The following COL4A5 variants were observed in gnomAD, a reference collection of about 807,000 sequenced individuals.
The protein encoded by COL4A5 is collagen type IV alpha 5 chain, also known as collagen alpha-5(IV) chain.
In COL4A5, 26 loss-of-function variants were observed where a neutral mutation model predicts 130.2. That is an observed-to-expected ratio of 0.20 (90% confidence interval 0.15 to 0.28). COL4A5 has a LOEUF of 0.28. Ranked by LOEUF, COL4A5 falls within the 10% of genes least tolerant of loss-of-function variation. The pLI, the probability that COL4A5 is intolerant of heterozygous loss-of-function variation, is 1.00. For synonymous variants in COL4A5, 496 were observed against 439.6 expected (o/e 1.13, Z -1.60); for missense variants, 1,131 against 1,344.3 (o/e 0.84, Z 2.48).
chrX:108,615,122 A>C (rs143647223), intron 30 of COL4A5, 98 bp downstream of exon 30: 51 of 604,778 alleles, frequency 8.4e-5, no homozygotes, highest in South Asian at 4.3e-4. Flanking sequence ...TTCCAGAAGC[A>C]GACTTAAAAG....
intron 21 of COL4A5, among the ~76,000 whole-genome samples, chrX:108,595,059 C>T (rs749918875): frequency 9.1e-6 from 1 of 110,304 alleles, no homozygotes; most frequent in South Asian, 4.0e-4. Context: ...GATGGGGTTT[C>T]GCCATGTTGG....
At chrX:108,648,338 G>A (rs2067652450) in intron 36 of COL4A5, among the ~76,000 whole-genome samples, 1 of 111,082 alleles carries the variant, frequency 9.0e-6, no homozygotes, top group Non-Finnish European at 1.9e-5. Flanking sequence ...AAGAAGAATT[G>A]GCACCAGTAC....
At chrX:108,601,565 C>T in intron 26 of COL4A5, 80 bp downstream of exon 26, 1 of 688,019 alleles carries the variant, frequency 1.5e-6, no homozygotes, top group South Asian at 2.4e-5. Context: ...TTCGCTCTGT[C>T]ACCCATGCTG....
At chrX:108,524,752 T>C (rs2065296976) in intron 1 of COL4A5, among the ~76,000 whole-genome samples, 1 of 111,826 alleles carries the variant, frequency 8.9e-6, no homozygotes, top group Non-Finnish European at 1.9e-5. Context: ...CTTTGACCTA[T>C]AGGTTAATTA....
chrX:108,531,860 A>G (rs2065390073), intron 1 of COL4A5, among the ~76,000 whole-genome samples: 1 of 112,068 alleles, frequency 8.9e-6, no homozygotes, highest in Non-Finnish European at 1.9e-5. Flanking sequence ...ATTCCTGGAA[A>G]CATACTACTT....
rs756161296 is a variant in COL4A5 at position 108,621,806 on chromosome X, C to T, written c.2681C>T (p.Thr894Ile). The change falls in exon 32 of 53, where the codon ACC becomes ATC. Residue 894 changes from threonine to isoleucine, a missense_variant. Thr to Ile is a moderately conservative substitution (Grantham distance 89, BLOSUM62 -1). Coordinates refer to ENST00000328300, the MANE Select transcript of COL4A5 (RefSeq NM_033380.3). ...TACTTATTGATATTCTTCAAAGGTA[C>T]CAAAGGTGAAATGGGTATGATGGGA... is the stretch of plus-strand genomic sequence containing the variant. ...GKAGASGFPG[T>I]KGEMGMMGPP... 5 of 1,199,212 alleles carry T rather than the reference C, an allele frequency of 4.2e-6. No homozygotes were observed. In the African/African-American group the frequency reaches 5.3e-5, roughly 13 times the overall value.
intron 21 of COL4A5, 74 bp from the exon 22 acceptor site, chrX:108,595,435 A>G: frequency 4.2e-6 from 4 of 950,323 alleles, no homozygotes; most frequent in Non-Finnish European, 6.1e-6. Context: ...TAGTGCTAAC[A>G]TTTTTAGAAC....
At chrX:108,620,512 T>G (rs1490848117) in intron 31 of COL4A5, 86 bp downstream of exon 31, 8 of 814,634 alleles carry the variant, frequency 9.8e-6, no homozygotes, top group Non-Finnish European at 1.4e-5. Flanking sequence ...GTTACACTTT[T>G]CTAGATTGAC....
intron 1 of COL4A5, among the ~76,000 whole-genome samples, chrX:108,498,987 A>G: frequency 9.0e-6 from 1 of 111,055 alleles, no homozygotes; most frequent in East Asian, 2.8e-4. Flanking sequence ...ATTATTTTGC[A>G]TTTTTCCTTA....
At chrX:108,566,420 A>G (rs1020089255) in intron 4 of COL4A5, among the ~76,000 whole-genome samples, 29 of 110,912 alleles carry the variant, frequency 2.6e-4, no homozygotes, top group African/African-American at 9.2e-4. Flanking sequence ...TTGACACAAC[A>G]AGCTCTTTCA....
intron 38 of COL4A5, among the ~76,000 whole-genome samples, chrX:108,666,131 C>T (rs2068073138): frequency 9.1e-6 from 1 of 110,317 alleles, no homozygotes; most frequent in Non-Finnish European, 1.9e-5. Context: ...ATTCAAGTGT[C>T]CTAGAATAGA....
At chrX:108,621,945 G>A (rs1277777039) in intron 32 of COL4A5, 53 bp downstream of exon 32, 1 of 868,476 alleles carries the variant, frequency 1.2e-6, no homozygotes. Flanking sequence ...ATTAAATATA[G>A]CTTTATGTCA....
At position 108,578,293 on chromosome X, in the gene COL4A5, T is replaced by C. The variant is rs2066187932; in HGVS notation, c.690T>C (p.Gly230=). Residue 230 remains glycine, a splice_region_variant and synonymous_variant, in exon 13 of 53, where the codon GGT becomes GGC. Transcript: ENST00000328300. ...LNFQGPKGEK[G]EQGLQGPPGP... ...GTCTTATTTTATCTTGCAAACAGGGTGAGCAAGGTCTTCAGGGCCCACCTG... is the reference window on the plus strand; with the variant it reads ...GTCTTATTTTATCTTGCAAACAGGGCGAGCAAGGTCTTCAGGGCCCACCTG... 1 of 1,207,822 alleles carries C rather than the reference T, an allele frequency of 8.3e-7. No individual in the cohort carries two copies. The highest frequency in any genetic ancestry group is 1.8e-5 in the South Asian group (1 of 56,914).
chrX:108,540,799 G>A (rs932234367), intron 2 of COL4A5, among the ~76,000 whole-genome samples: 10 of 112,090 alleles, frequency 8.9e-5, no homozygotes, highest in Non-Finnish European at 1.7e-4. Flanking sequence ...CAGATATTAT[G>A]ATTACAAAGT....
chrX:108,620,692 A>C lies in COL4A5; in HGVS notation c.2677+266A>C, dbSNP rs2067023310. Among the ~76,000 whole-genome samples the C allele has an allele frequency of 5.4e-5, 6 of 111,961 alleles. No individual in the cohort carries two copies. In the South Asian group the frequency reaches 2.3e-3, roughly 42 times the overall value. The stretch of plus-strand genomic sequence containing the variant: ...CTTTTAATTTTGCTGAAGATTTTGC[A>C]GCTCTAGAATTAAGGGATGACTTGA... On this transcript the variant is annotated intron_variant, in intron 31 of 52. Coordinates refer to ENST00000328300, the MANE Select transcript of COL4A5 (RefSeq NM_033380.3).
At chrX:108,573,522 T>C (rs891765928) in intron 8 of COL4A5, 52 bp from the exon 9 acceptor site, 7 of 900,322 alleles carry the variant, frequency 7.8e-6, no homozygotes, top group Non-Finnish European at 1.1e-5. Context: ...GTTTTGCTGG[T>C]TTTCATGTAT....
chrX:108,582,727 T>A, intron 16 of COL4A5, 157 bp from the exon 17 acceptor site: 20 of 303,303 alleles, frequency 6.6e-5, no homozygotes, highest in Middle Eastern at 6.6e-4. Flanking sequence ...GAGAAAACAC[T>A]CCTTGAATTG....
At chrX:108,660,570 G>A (rs996902096) in intron 37 of COL4A5, among the ~76,000 whole-genome samples, 2 of 110,782 alleles carry the variant, frequency 1.8e-5, no homozygotes, top group African/African-American at 6.5e-5. Flanking sequence ...CTGTCTTTTC[G>A]TCTCCATTTT....
chrX:108,463,142 T>G (rs2147494044), intron 1 of COL4A5: 1 of 112,043 alleles, frequency 8.9e-6, no homozygotes, highest in Admixed American at 9.5e-5. Context: ...AAGATACAAA[T>G]TCCTTCTTAG....
Sources: allele counts gnomAD v4.1 joint callset (sites outside exome capture counted in the v4.1 genomes callset), GRCh38; gene constraint gnomAD v4.1.1; transcripts MANE v1.5; gene names NCBI Gene and HGNC (gene_info 2026-07-23, HGNC 2026-07-21).